The following RAD51B variants were observed in gnomAD, a reference collection of about 807,000 sequenced individuals.
RAD51B encodes the protein RAD51 paralog B, also known as DNA repair protein RAD51 homolog 2.
A neutral mutation model predicts 42.2 loss-of-function variants in RAD51B; 38 were observed. That is an observed-to-expected ratio of 0.90 (90% CI 0.70 to 1.18). RAD51B has a LOEUF of 1.18. Among genes scored for constraint, RAD51B ranks in the 50% most tolerant of loss-of-function variants. The pLI, the probability that RAD51B is intolerant of heterozygous loss-of-function variation, is 0.00. For synonymous variants in RAD51B, 154 were observed against 145.2 expected, an observed-to-expected ratio of 1.06 and a Z score of -0.43; for missense variants, 373 against 400.7, an observed-to-expected ratio of 0.93 and a Z score of 0.59.
At chr14:68,050,704 CTT>C (rs1404768399) in intron 7 of RAD51B, among the ~76,000 whole-genome samples, 2 of 152,098 alleles carry the variant, frequency 1.3e-5, no homozygotes, top group Non-Finnish European at 2.9e-5. Flanking sequence ...TACCTGCCCT[CTT>C]CTCTTCCCCC....
chr14:68,037,321 A>G (rs946244961), intron 7 of RAD51B, among the ~76,000 whole-genome samples: 2 of 149,768 alleles, frequency 1.3e-5, no homozygotes, highest in African/African-American at 5.0e-5. Context: ...CCTGGGTTCA[A>G]GCAATTCTTG....
intron 4 of RAD51B, among the ~76,000 whole-genome samples, chr14:67,836,209 T>C (rs2041236108): frequency 6.6e-6 from 1 of 152,164 alleles, no homozygotes; most frequent in Non-Finnish European, 1.5e-5. Flanking sequence ...CTGTAGGATC[T>C]GTTTCTGAGG....
exon 11 of RAD51B, chr14:68,595,374 T>A: frequency 9.4e-7 from 1 of 1,066,468 alleles, no homozygotes; most frequent in Non-Finnish European, 1.1e-6. Context: ...CAAGGGAGCC[T>A]GTTTTGTCTG....
chr14:67,896,696 T>C (rs1361190467), intron 7 of RAD51B, among the ~76,000 whole-genome samples: 1 of 152,214 alleles, frequency 6.6e-6, no homozygotes, highest in Non-Finnish European at 1.5e-5. Flanking sequence ...CAAAGGATAT[T>C]TTCTTGAGTT....
At chr14:68,078,245 C>T (rs2076864252) in intron 7 of RAD51B, among the ~76,000 whole-genome samples, 1 of 152,108 alleles carries the variant, frequency 6.6e-6, no homozygotes, top group Non-Finnish European at 1.5e-5. Context: ...AACTCTGGGC[C>T]TCAAGTCATC....
intron 7 of RAD51B, among the ~76,000 whole-genome samples, chr14:68,072,427 G>A (rs2076768033): frequency 6.6e-6 from 1 of 152,000 alleles, no homozygotes; most frequent in South Asian, 2.1e-4. Context: ...AGGGCAGGAA[G>A]CATCCAGCAT....
At chr14:68,093,765 C>G (rs549407441) in intron 7 of RAD51B, among the ~76,000 whole-genome samples, 1 of 152,248 alleles carries the variant, frequency 6.6e-6, no homozygotes, top group Admixed American at 6.5e-5. Flanking sequence ...TTTGCTCTTG[C>G]CTCTATATTG....
At position 68,318,193 on chromosome 14, in the gene RAD51B, C is replaced by T. The variant is rs546759930; in HGVS notation, c.853+26213C>T. On this transcript the variant is annotated intron_variant, in intron 8 of 10. Transcript: ENST00000471583. ...TTTTTGACCAGCACGTAATTTGTGC[C>T]AGATTTGTAAGCTAGAGTGAATTCT... 2.0e-5 allele frequency among the ~76,000 whole-genome samples: 3 copies of T among 152,274 alleles called. No individual in the cohort carries two copies. The South Asian group carries it at 6.2e-4, about 32-fold the overall frequency.
intron 10 of RAD51B, among the ~76,000 whole-genome samples, chr14:68,527,747 T>G (rs138644760): frequency 6.6e-6 from 1 of 152,254 alleles, no homozygotes; most frequent in Non-Finnish European, 1.5e-5. Context: ...ATTTTTATTA[T>G]TAAACACAAC....
At chr14:68,387,914 A>T (rs2083635929) in intron 8 of RAD51B, among the ~76,000 whole-genome samples, 1 of 152,242 alleles carries the variant, frequency 6.6e-6, no homozygotes, top group South Asian at 2.1e-4. Flanking sequence ...AAAATGTCTT[A>T]ATTTTCATAT....
chr14:67,864,152 A>G (rs2042249970), intron 4 of RAD51B, among the ~76,000 whole-genome samples: 2 of 152,256 alleles, frequency 1.3e-5, no homozygotes, highest in Non-Finnish European at 2.9e-5. Flanking sequence ...CCATGATCTA[A>G]TCACCTCCCA....
At chr14:68,028,880 G>A (rs2075996302) in intron 7 of RAD51B, among the ~76,000 whole-genome samples, 1 of 152,212 alleles carries the variant, frequency 6.6e-6, no homozygotes, top group South Asian at 2.1e-4. Flanking sequence ...CTATGGCTGT[G>A]CTCTGCTGGC....
intron 9 of RAD51B, among the ~76,000 whole-genome samples, chr14:68,419,053 A>G (rs2084630768): frequency 6.6e-6 from 1 of 152,154 alleles, no homozygotes; most frequent in Admixed American, 6.5e-5. Context: ...CCCCATCCCC[A>G]GTGCTGTATT....
chr14:68,076,483 G>C (rs1200733977), intron 7 of RAD51B, among the ~76,000 whole-genome samples: 1 of 152,172 alleles, frequency 6.6e-6, no homozygotes, highest in East Asian at 1.9e-4. Context: ...GAAAGTAAAA[G>C]AAACTTATTT....
At chr14:68,045,764 A>G (rs528840992) in intron 7 of RAD51B, among the ~76,000 whole-genome samples, 8 of 152,208 alleles carry the variant, frequency 5.3e-5, no homozygotes, top group Non-Finnish European at 1.0e-4. Context: ...TAGGGAAAGG[A>G]CAAGGTGGCT....
At chr14:68,422,594 T>C (rs1202434310) in intron 9 of RAD51B, among the ~76,000 whole-genome samples, 2 of 149,478 alleles carry the variant, frequency 1.3e-5, no homozygotes, top group Non-Finnish European at 3.0e-5. Flanking sequence ...GGTAGAGGAA[T>C]GGGAAGCAGA....
intron 7 of RAD51B, 88 bp from the exon 8 acceptor site, chr14:68,291,770 TTATCAGTCTTCTCCTAAACCATAGTC>T: frequency 1.3e-6 from 1 of 750,268 alleles, no homozygotes; most frequent in Non-Finnish European, 2.2e-6. Context: ...ACCTGTGTAT[TTATCAGTCTTCTCCTAAACCATAGTC>T]TGCCTTTTGA....
intron 8 of RAD51B, among the ~76,000 whole-genome samples, chr14:68,386,021 A>G (rs1444786665): frequency 1.3e-5 from 2 of 152,216 alleles, no homozygotes; most frequent in Non-Finnish European, 2.9e-5. Flanking sequence ...CACTTAAGAT[A>G]GTCCCTTAAT....
chr14:68,525,362 TG>T (rs1326464911), intron 10 of RAD51B, among the ~76,000 whole-genome samples: 1 of 152,268 alleles, frequency 6.6e-6, no homozygotes, highest in Non-Finnish European at 1.5e-5. Context: ...AAATTTTCCT[TG>T]CTTTAAGCCA....
Sources: gnomAD v4.1 joint callset for allele counts (sites outside exome capture counted in the v4.1 genomes callset) on GRCh38, gnomAD v4.1.1 for gene constraint, MANE v1.5 for transcripts, NCBI Gene and HGNC (gene_info 2026-07-23, HGNC 2026-07-21) for gene names.